Variants in ASXL2 observed in about 807,000 individuals in gnomAD.
The protein encoded by ASXL2 is ASXL transcriptional regulator 2, also known as putative Polycomb group protein ASXL2.
In ASXL2, 23 loss-of-function variants were observed where a neutral mutation model predicts 122.0. That is an observed-to-expected ratio of 0.19 (90% CI 0.14 to 0.27). The LOEUF (loss-of-function observed/expected upper bound fraction) is 0.27, where lower values mean the gene tolerates loss of function less well. Ranked by LOEUF, ASXL2 falls within the 10% of genes least tolerant of loss-of-function variation. The pLI is 1.00. For missense variants in ASXL2, 1,518 were observed against 1,713.8 expected (o/e 0.89, Z 2.02); for synonymous variants, 650 against 637.0 (o/e 1.02, Z -0.31).
chr2:25,865,133 A>G (rs2089886718), intron 1 of ASXL2, among the ~76,000 whole-genome samples: 1 of 151,646 alleles, frequency 6.6e-6, no homozygotes, highest in Non-Finnish European at 1.5e-5. Flanking sequence ...AAAATTTACA[A>G]TTTAAATCCA....
At chr2:25,852,728 C>A (rs559880749) in intron 1 of ASXL2, among the ~76,000 whole-genome samples, 106 of 152,242 alleles carry the variant, frequency 7.0e-4, no homozygotes, top group African/African-American at 2.4e-3. Context: ...GAGAAGAAAA[C>A]CAGAAAACAC....
chr2:25,818,716 T>C (rs975078045), intron 3 of ASXL2, among the ~76,000 whole-genome samples: 2 of 152,060 alleles, frequency 1.3e-5, no homozygotes, highest in Non-Finnish European at 2.9e-5. Flanking sequence ...TATATATATA[T>C]ACCAAGATTG....
chr2:25,857,550 C>T (rs2089796141), intron 1 of ASXL2, among the ~76,000 whole-genome samples: 1 of 152,222 alleles, frequency 6.6e-6, no homozygotes, highest in Admixed American at 6.5e-5. Context: ...GGCAGGCACT[C>T]TCCTGCTTCA....
At chr2:25,871,157 G>A (rs2089959326) in intron 1 of ASXL2, among the ~76,000 whole-genome samples, 1 of 152,088 alleles carries the variant, frequency 6.6e-6, no homozygotes, top group African/African-American at 2.4e-5. Flanking sequence ...TCAACTATGA[G>A]GATGGCCTCT....
At chr2:25,858,260 C>T (rs956541710) in intron 1 of ASXL2, among the ~76,000 whole-genome samples, 5 of 152,048 alleles carry the variant, frequency 3.3e-5, no homozygotes, top group African/African-American at 1.2e-4. Flanking sequence ...TTCCCTTGGT[C>T]TCTGCCTAAA....
Position 25,771,432 on chromosome 2 carries a change from A to G in ASXL2, c.504+8T>C, listed in dbSNP as rs2088452543. On this transcript the variant is annotated splice_region_variant and intron_variant, in intron 6 of 12. Coordinates refer to ENST00000435504, the MANE Select transcript of ASXL2 (RefSeq NM_018263.6). ...TCTACTTGATAAATACAGACTAGCAATGCTTACCTGCTTTAGTGCCTTCTT... is the reference window on the plus strand; with the variant it reads ...TCTACTTGATAAATACAGACTAGCAGTGCTTACCTGCTTTAGTGCCTTCTT... 2 of 1,604,734 alleles carry G rather than the reference A, an allele frequency of 1.2e-6. No homozygotes were observed. The highest frequency in any genetic ancestry group is 1.7e-6 in the Non-Finnish European group (2 of 1,172,484).
At position 25,774,054 on chromosome 2, in the gene ASXL2, T is replaced by C. The variant is rs559858007; in HGVS notation, c.404-2514A>G. 1.2e-4 allele frequency among the ~76,000 whole-genome samples: 18 copies of C among 151,674 alleles called. No homozygotes were observed. The South Asian group carries it at 3.5e-3, about 30-fold the overall frequency. Reference sequence around the variant, plus strand: ...CAGAAGAAAAAATAATATATATATATATAATTCATATACTATACATCTTGC... The same window carrying C: ...CAGAAGAAAAAATAATATATATATACATAATTCATATACTATACATCTTGC... On this transcript the variant is annotated intron_variant, in intron 5 of 12. Coordinates refer to ENST00000435504, the MANE Select transcript of ASXL2 (RefSeq NM_018263.6).
intron 12 of ASXL2, among the ~76,000 whole-genome samples, 199 bp downstream of exon 12, chr2:25,749,497 A>G (rs1200060937): frequency 1.3e-5 from 2 of 152,220 alleles, no homozygotes; most frequent in Admixed American, 6.5e-5. Flanking sequence ...AAACATCAGT[A>G]AAGACCTGTA....
intron 2 of ASXL2, among the ~76,000 whole-genome samples, chr2:25,841,401 G>A (rs1273452725): frequency 6.6e-6 from 1 of 152,166 alleles, no homozygotes; most frequent in Admixed American, 6.5e-5. Context: ...TCATTAACAA[G>A]TAGGTTTTAA....
intron 12 of ASXL2, among the ~76,000 whole-genome samples, chr2:25,748,902 A>G (rs1041168983): frequency 1.3e-5 from 2 of 152,268 alleles, no homozygotes; most frequent in Admixed American, 6.5e-5. Context: ...GAAGTTAATC[A>G]CATGCTAAGC....
intron 1 of ASXL2, among the ~76,000 whole-genome samples, chr2:25,861,071 A>G (rs2089839132): frequency 6.6e-6 from 1 of 152,146 alleles, no homozygotes; most frequent in African/African-American, 2.4e-5. Context: ...ATTTTTAAAA[A>G]CTAGAAAAGC....
At chr2:25,781,164 C>A (rs576232284) in intron 5 of ASXL2, among the ~76,000 whole-genome samples, 2 of 151,782 alleles carry the variant, frequency 1.3e-5, no homozygotes, top group African/African-American at 4.8e-5. Context: ...TGGAATTTGT[C>A]CTGGAGTGTG....
At chr2:25,856,384 T>TTTTTTTTA in intron 1 of ASXL2, 1 of 503,006 alleles carries the variant, frequency 2.0e-6, no homozygotes, top group Non-Finnish European at 3.7e-6. Flanking sequence ...TTTTTTTTTT[T>TTTTTTTTA]GACACCAGTG....
intron 1 of ASXL2, among the ~76,000 whole-genome samples, chr2:25,863,204 C>G (rs1350104485): frequency 6.6e-6 from 1 of 151,792 alleles, no homozygotes; most frequent in Non-Finnish European, 1.5e-5. Flanking sequence ...GTGGTACGCC[C>G]CTGTAGTCCC....
At chr2:25,784,303 T>C (rs776863660) in intron 5 of ASXL2, among the ~76,000 whole-genome samples, 9 of 152,124 alleles carry the variant, frequency 5.9e-5, no homozygotes, top group Non-Finnish European at 1.0e-4. Context: ...CTTGTATATG[T>C]AAGCCTCCTT....
chr2:25,866,068 C>T (rs1455510388), intron 1 of ASXL2, among the ~76,000 whole-genome samples: 1 of 151,764 alleles, frequency 6.6e-6, no homozygotes, highest in Non-Finnish European at 1.5e-5. Flanking sequence ...CAAAATCACA[C>T]AGGAAGTTAA....
chr2:25,776,878 A>G (rs2088554825), intron 5 of ASXL2, among the ~76,000 whole-genome samples: 1 of 152,212 alleles, frequency 6.6e-6, no homozygotes, highest in African/African-American at 2.4e-5. Flanking sequence ...AAAAGTGACA[A>G]TAAAGCTATC....
At chr2:25,814,002 A>T (rs1368235987) in intron 3 of ASXL2, among the ~76,000 whole-genome samples, 1 of 152,204 alleles carries the variant, frequency 6.6e-6, no homozygotes, top group East Asian at 1.9e-4. Flanking sequence ...GTGAGCCAAA[A>T]TCGTGCCACT....
chr2:25,750,042 T>C lies in ASXL2; in HGVS notation c.1514A>G (p.His505Arg), dbSNP rs1574395164. ...TSAEQESEKNHLTTASNYNKS... is the reference protein window; with the variant it reads ...TSAEQESEKNRLTTASNYNKS... ...GTTATAATTAGAAGCTGTGGTGAGA[T>C]GGTTCTTCTCAGATTCCTGTTCAGC... The change falls in exon 12 of 13, where the codon CAT becomes CGT. Residue 505 changes from histidine (H) to arginine (R), a missense_variant. His to Arg is a conservative substitution (Grantham distance 29, BLOSUM62 0). This residue lies in a region of ASXL2 where 292 missense variants were observed against 293.5 expected (regional missense o/e 1.00). Coordinates refer to ENST00000435504, the MANE Select transcript of ASXL2 (RefSeq NM_018263.6). 2 of 1,614,056 alleles carry C rather than the reference T, an allele frequency of 1.2e-6. No individual in the cohort carries two copies. Among genetic ancestry groups the C allele is most frequent in the Non-Finnish European group, 1.7e-6 (2 of 1,179,900 alleles).
Sources: gnomAD v4.1 joint callset for allele counts (sites outside exome capture counted in the v4.1 genomes callset) on GRCh38, gnomAD v4.1.1 for gene constraint, gnomAD v4.1.1 regional missense constraint, MANE v1.5 for transcripts, NCBI Gene and HGNC (gene_info 2026-07-23, HGNC 2026-07-21) for gene names.